Variants in ANKUB1 observed in about 807,000 individuals in gnomAD.
The protein encoded by ANKUB1 is ankyrin repeat and ubiquitin domain containing 1, also known as protein ANKUB1.
Under a neutral mutation model 49.3 loss-of-function variants are expected in ANKUB1, and 42 were observed. That is an observed-to-expected ratio of 0.85 (90% CI 0.67 to 1.10). The LOEUF (loss-of-function observed/expected upper bound fraction) is 1.10, where lower values mean the gene tolerates loss of function less well. ANKUB1 is among the 50% of genes least tolerant of loss of function. ANKUB1 has a pLI of 0.00. For missense variants in ANKUB1, 613 were observed against 642.0 expected, an observed-to-expected ratio of 0.95 and a Z score of 0.49; for synonymous variants, 222 against 231.0, an observed-to-expected ratio of 0.96 and a Z score of 0.35.
intron 3 of ANKUB1, among the ~76,000 whole-genome samples, chr3:149,774,625 C>T (rs1717511277): frequency 6.6e-6 from 1 of 152,214 alleles, no homozygotes; most frequent in Admixed American, 6.5e-5. Flanking sequence ...ATTGGTGGGG[C>T]ACCTCCATCA....
chr3:149,782,777 C>G (rs974427582), intron 2 of ANKUB1, among the ~76,000 whole-genome samples: 2 of 152,162 alleles, frequency 1.3e-5, no homozygotes, highest in African/African-American at 4.8e-5. Flanking sequence ...TGGCCTCAAG[C>G]AATCCATCCA....
Position 149,792,520 on chromosome 3 carries a change from G to A in ANKUB1, c.-154C>T, listed in dbSNP as rs1718404353. 3 of 486,056 alleles carry A rather than the reference G, an allele frequency of 6.2e-6. No homozygotes were observed. Among genetic ancestry groups the A allele is most frequent in the Non-Finnish European group, 1.1e-5 (3 of 281,598 alleles). 30.1% of individuals were successfully genotyped at this position (486,056 alleles called of 1,614,324 possible). On this transcript the variant is annotated 5_prime_UTR_variant, in exon 1 of 6. Transcript: ENST00000446160. Reference sequence around the variant, plus strand: ...AAAGGTAAGTTGTAGAATGTGAAGAGCCTAGTCCCACAGTGCCACAGTATC... The same window carrying A: ...AAAGGTAAGTTGTAGAATGTGAAGAACCTAGTCCCACAGTGCCACAGTATC...
chr3:149,764,575 C>T (rs1716913781), intron 5 of ANKUB1, among the ~76,000 whole-genome samples: 1 of 128,776 alleles, frequency 7.8e-6, no homozygotes, highest in Non-Finnish European at 1.6e-5. Context: ...TCCTTCCCTC[C>T]CTCCCTCCCT....
At chr3:149,791,986 G>C (rs1370883730) in intron 1 of ANKUB1, among the ~76,000 whole-genome samples, 1 of 151,856 alleles carries the variant, frequency 6.6e-6, no homozygotes, top group Non-Finnish European at 1.5e-5. Context: ...ATGAAGAATT[G>C]CAATAATATT....
Position 149,790,838 on chromosome 3 carries a change from A to G in ANKUB1, c.177T>C (p.Ser59=). The part of the protein sequence containing the change: ...LMYAGAALKD[S]WSLADVGISF... ...ATATTCCAACATCAGCAAGACTCCA[A>G]CTGTCCTTTAGAGCAGCTCCAGCAT... The change falls in exon 2 of 6, where the codon AGT becomes AGC. Residue 59 remains serine (S), a synonymous_variant. Coordinates refer to ENST00000446160, the MANE Select transcript of ANKUB1 (RefSeq NM_001144960.3). 5 of 1,552,102 alleles carry G rather than the reference A, an allele frequency of 3.2e-6. No homozygotes were observed. Among genetic ancestry groups the G allele is most frequent in the Non-Finnish European group, 4.4e-6 (5 of 1,147,038 alleles).
At chr3:149,788,983 C>T (rs937854938) in intron 2 of ANKUB1, among the ~76,000 whole-genome samples, 16 of 152,070 alleles carry the variant, frequency 1.1e-4, no homozygotes, top group African/African-American at 3.6e-4. Flanking sequence ...CCATGTTGGC[C>T]AGACTGGTCT....
intron 3 of ANKUB1, chr3:149,778,842 A>G (rs918995480): frequency 6.6e-6 from 1 of 152,246 alleles, no homozygotes; most frequent in Admixed American, 6.5e-5. Flanking sequence ...TAGCAGTTAT[A>G]TAAAGCAAAA....
At chr3:149,770,012 C>T (rs1226307144) in intron 4 of ANKUB1, among the ~76,000 whole-genome samples, 1 of 151,960 alleles carries the variant, frequency 6.6e-6, no homozygotes, top group Non-Finnish European at 1.5e-5. Flanking sequence ...TCTTTCTCCC[C>T]CTCAGCCTTA....
rs186918967 is a variant in ANKUB1, at chr3:149,786,391, A to G, written c.234+4390T>C. ...GCATAAATGTCTTCTTTTGAGAAGCATCTGTTCATGTCCTTTGCCCACTTT... is the reference window on the plus strand; with the variant it reads ...GCATAAATGTCTTCTTTTGAGAAGCGTCTGTTCATGTCCTTTGCCCACTTT... On this transcript the variant is annotated intron_variant, in intron 2 of 5. Transcript: ENST00000446160. Among the ~76,000 whole-genome samples, 698 of 152,272 alleles carry G rather than the reference A, an allele frequency of 4.6e-3. 3 individuals carry two copies. The highest frequency in any genetic ancestry group is 6.8e-3 in the Middle Eastern group (2 of 294).
intron 4 of ANKUB1, among the ~76,000 whole-genome samples, chr3:149,768,766 C>A (rs113262901): frequency 0.042 from 6,441 of 152,144 alleles, 204 homozygotes; most frequent in African/African-American, 0.085. Context: ...TGGTGTCGAA[C>A]TCCTGACCTC....
At chr3:149,791,483 A>C (rs2077599202) in intron 1 of ANKUB1, among the ~76,000 whole-genome samples, 1 of 152,208 alleles carries the variant, frequency 6.6e-6, no homozygotes, top group South Asian at 2.1e-4. Context: ...CATTCTGAGA[A>C]GCAGTCTATA....
chr3:149,778,760 A>G (rs1051050369), intron 3 of ANKUB1: 7 of 152,232 alleles, frequency 4.6e-5, no homozygotes, highest in African/African-American at 1.7e-4. Context: ...TGAGAGCCTT[A>G]ATTTAAAATA....
chr3:149,765,731 A>G (rs1041768124), intron 5 of ANKUB1, among the ~76,000 whole-genome samples: 1 of 152,196 alleles, frequency 6.6e-6, no homozygotes, highest in Non-Finnish European at 1.5e-5. Flanking sequence ...CCTTATTTTA[A>G]GAGGGACTAT....
intron 1 of ANKUB1, among the ~76,000 whole-genome samples, chr3:149,791,301 T>A (rs1718347130): frequency 6.6e-6 from 1 of 152,246 alleles, no homozygotes; most frequent in African/African-American, 2.4e-5. Context: ...TACTGATCTG[T>A]ATTTTGAAAA....
At chr3:149,782,800 A>T (rs529973271) in intron 2 of ANKUB1, among the ~76,000 whole-genome samples, 1 of 152,294 alleles carries the variant, frequency 6.6e-6, no homozygotes, top group South Asian at 2.1e-4. Context: ...TCAGCCTCCC[A>T]AAGTATTGGG....
chr3:149,768,983 A>G (rs1717200338), intron 4 of ANKUB1, among the ~76,000 whole-genome samples: 1 of 152,252 alleles, frequency 6.6e-6, no homozygotes, highest in Admixed American at 6.5e-5. Flanking sequence ...AAATAAATAT[A>G]CACTATTAAA....
chr3:149,782,799 C>T (rs923015480), intron 2 of ANKUB1, among the ~76,000 whole-genome samples: 1 of 152,150 alleles, frequency 6.6e-6, no homozygotes, highest in Non-Finnish European at 1.5e-5. Context: ...CTCAGCCTCC[C>T]AAAGTATTGG....
chr3:149,777,341 G>A (rs550359376), intron 3 of ANKUB1, among the ~76,000 whole-genome samples: 43 of 151,422 alleles, frequency 2.8e-4, no homozygotes, highest in Admixed American at 1.8e-3. Flanking sequence ...GAGTGGTGGC[G>A]CGTGCCTGTA....
chr3:149,791,067 T>C (rs916102673), intron 1 of ANKUB1, 143 bp from the exon 2 acceptor site: 2 of 730,568 alleles, frequency 2.7e-6, no homozygotes, highest in Admixed American at 3.6e-5. Context: ...TAGGGGTTCT[T>C]AACTTAGAGA....
Sources: gnomAD v4.1 joint callset for allele counts (sites outside exome capture counted in the v4.1 genomes callset) on GRCh38, gnomAD v4.1.1 for gene constraint, MANE v1.5 for transcripts, NCBI Gene and HGNC (gene_info 2026-07-23, HGNC 2026-07-21) for gene names.